Variants in ZSCAN5A observed in about 807,000 individuals in gnomAD.
The protein encoded by ZSCAN5A is zinc finger and SCAN domain-containing protein 5A.
Under a neutral mutation model 23.7 loss-of-function variants are expected in ZSCAN5A, and 12 were observed. The ratio of observed to expected loss-of-function variants is 0.51; its 90% confidence interval spans 0.32 to 0.82. The LOEUF (loss-of-function observed/expected upper bound fraction) is 0.82, where lower values mean the gene tolerates loss of function less well. Ranked by LOEUF, ZSCAN5A falls within the 40% of genes least tolerant of loss-of-function variation. The pLI is 0.03. For synonymous variants in ZSCAN5A, 257 were observed against 239.9 expected (o/e 1.07, Z -0.66); for missense variants, 597 against 617.9 (o/e 0.97, Z 0.36).
intron 2 of ZSCAN5A, among the ~76,000 whole-genome samples, chr19:56,302,536 TTCC>T (rs1455795366): frequency 7.4e-5 from 4 of 53,908 alleles, no homozygotes; most frequent in South Asian, 1.1e-3. Context: ...CTCCCTCTTC[TTCC>T]TCCCCGTTCC....
chr19:56,252,713 G>A (rs1433508137), intron 2 of ZSCAN5A, among the ~76,000 whole-genome samples: 2 of 152,224 alleles, frequency 1.3e-5, no homozygotes, highest in African/African-American at 4.8e-5. Context: ...GTCAAAAGTG[G>A]AGGTATGAAC....
At chr19:56,363,256 T>C (rs2041745580) in exon 2 of ZSCAN5A, 1 of 152,230 alleles carries the variant, frequency 6.6e-6, no homozygotes, top group African/African-American at 2.4e-5. Flanking sequence ...AGATTACACA[T>C]TTGCCAGATA....
At chr19:56,268,049 A>C (rs964301846) in intron 2 of ZSCAN5A, among the ~76,000 whole-genome samples, 2 of 152,172 alleles carry the variant, frequency 1.3e-5, no homozygotes, top group African/African-American at 4.8e-5. Context: ...AAATCCCTGA[A>C]ACTTCTGACC....
intron 2 of ZSCAN5A, among the ~76,000 whole-genome samples, chr19:56,239,345 T>A (rs998812705): frequency 6.6e-6 from 1 of 152,240 alleles, no homozygotes. Flanking sequence ...AATTGTAACC[T>A]AATCATGTAA....
rs143538511 is a variant in ZSCAN5A at position 56,331,878 on chromosome 19, G to A, written c.-357-15610C>T. Reference sequence around the variant, plus strand: ...TGGGATTACAGGTGTGAGCCACTGCGCCCAGCCTAGTATTTCAAAGAATTT... The same window carrying A: ...TGGGATTACAGGTGTGAGCCACTGCACCCAGCCTAGTATTTCAAAGAATTT... On this transcript the variant is annotated intron_variant, in intron 2 of 6. Transcript: ENST00000587340. Among the ~76,000 whole-genome samples the A allele has an allele frequency of 2.0e-3, 306 of 151,946 alleles. 2 individuals carry two copies. Among genetic ancestry groups the A allele is most frequent in the African/African-American group, 7.1e-3 (295 of 41,478 alleles).
chr19:56,296,744 A>G (rs1203187034), intron 2 of ZSCAN5A, among the ~76,000 whole-genome samples: 1 of 151,956 alleles, frequency 6.6e-6, no homozygotes, highest in African/African-American at 2.4e-5. Flanking sequence ...GGGAAACTTA[A>G]GTTTTTTGGC....
At chr19:56,292,169 T>C (rs1430284212) in intron 2 of ZSCAN5A, among the ~76,000 whole-genome samples, 1 of 152,218 alleles carries the variant, frequency 6.6e-6, no homozygotes, top group Non-Finnish European at 1.5e-5. Context: ...TCTCTGACCA[T>C]TTCATCATGC....
intron 2 of ZSCAN5A, among the ~76,000 whole-genome samples, chr19:56,331,559 T>C (rs2147437386): frequency 6.7e-6 from 1 of 150,286 alleles, no homozygotes; most frequent in South Asian, 2.1e-4. Context: ...CTTTCAGCTA[T>C]TGTAAATGGA....
rs188976700 is a variant in ZSCAN5A at position 56,354,338 on chromosome 19, A to T, written c.-358+8897T>A. Among the ~76,000 whole-genome samples, 34 of 151,352 alleles carry T rather than the reference A, an allele frequency of 2.2e-4. 1 individual carries two copies. The East Asian group carries it at 6.0e-3, about 27-fold the overall frequency. ...ATTTTAAAAGTTGGTTTTTTAAAAG[A>T]GTATTATGACAAAACAGGGTAAAGA... On this transcript the variant is annotated intron_variant, in intron 2 of 6. Transcript: ENST00000587340.
At chr19:56,255,014 T>C (rs1392987362) in intron 2 of ZSCAN5A, among the ~76,000 whole-genome samples, 2 of 152,056 alleles carry the variant, frequency 1.3e-5, no homozygotes, top group Non-Finnish European at 2.9e-5. Flanking sequence ...ATTGTGACCT[T>C]TGATGCAAAA....
At chr19:56,338,961 TGTATTTGGA>T (rs2147445958) in intron 2 of ZSCAN5A, among the ~76,000 whole-genome samples, 1 of 152,302 alleles carries the variant, frequency 6.6e-6, no homozygotes, top group South Asian at 2.1e-4. Flanking sequence ...AGTGACGTAA[TGTATTTGGA>T]GTGCAAAAAT....
Position 56,353,613 on chromosome 19 carries a change from CT to C in ZSCAN5A, c.-358+9621del, listed in dbSNP as rs756894261. On this transcript the variant is annotated intron_variant, in intron 2 of 6. Coordinates refer to the ZSCAN5A transcript ENST00000587340. ...TAACGGCGGTGAAACCCCGTCTCTACTAAAAAAAAATACAAAAAATTAGCTG... is the reference window on the plus strand; with the variant it reads ...TAACGGCGGTGAAACCCCGTCTCTACAAAAAAAAATACAAAAAATTAGCTG... Among the ~76,000 whole-genome samples the C allele has an allele frequency of 4.4e-4, 65 of 148,454 alleles. 1 individual carries two copies. Among genetic ancestry groups the C allele is most frequent in the Non-Finnish European group, 2.1e-4 (14 of 67,864 alleles).
chr19:56,228,067 A>G (rs572337877), intron 2 of ZSCAN5A, among the ~76,000 whole-genome samples: 1 of 152,268 alleles, frequency 6.6e-6, no homozygotes, highest in South Asian at 2.1e-4. Flanking sequence ...TGAGAAAGTT[A>G]GTATTATTCC....
intron 2 of ZSCAN5A, among the ~76,000 whole-genome samples, chr19:56,340,385 T>C (rs1431446782): frequency 6.6e-6 from 1 of 152,218 alleles, no homozygotes; most frequent in Non-Finnish European, 1.5e-5. Flanking sequence ...AGCAGAGTTC[T>C]AAGGTTAGAT....
intron 2 of ZSCAN5A, chr19:56,304,894 C>T (rs2040583298): frequency 4.6e-6 from 3 of 645,416 alleles, no homozygotes; most frequent in Non-Finnish European, 5.8e-6. Context: ...AGGTTCATCC[C>T]AACTGCCTGG....
intron 2 of ZSCAN5A, chr19:56,246,349 A>ATTC (rs750831301): frequency 1.7e-5 from 8 of 480,932 alleles, no homozygotes; most frequent in Non-Finnish European, 3.0e-5. Context: ...GACTACTGTC[A>ATTC]TGAAAAGTGC....
rs35831358 is a variant in ZSCAN5A, at chr19:56,339,833, T to C, written c.-358+23402A>G. 3.1e-4 allele frequency among the ~76,000 whole-genome samples: 43 copies of C among 140,436 alleles called. 1 individual carries two copies. The highest frequency in any genetic ancestry group is 4.2e-4 in the Non-Finnish European group (26 of 62,052). The allele number at this position is 140,436 out of a possible 152,430, so 92.1% of individuals were successfully genotyped here. On this transcript the variant is annotated intron_variant, in intron 2 of 6. Transcript: ENST00000587340. ...GGTTGTAGCCGCATTTAGCAATATG[T>C]GAAGGAGCGGTTGTAGCCGTATTTA...
rs111396055 is a variant in ZSCAN5A, at chr19:56,257,730, C to G, written c.-127-32557G>C. Among the ~76,000 whole-genome samples, 705 of 141,866 alleles carry G rather than the reference C, an allele frequency of 5.0e-3. 1 individual carries two copies. Among genetic ancestry groups the G allele is most frequent in the East Asian group, 0.017 (78 of 4,498 alleles). The allele number at this position is 141,866 out of a possible 152,430, so 93.1% of individuals were successfully genotyped here. A position where few individuals can be genotyped will look rare whatever the true frequency, so the allele number is the denominator to read the frequency against. On this transcript the variant is annotated intron_variant, in intron 2 of 5. Transcript: ENST00000683990. ...GACTCTGCAAGCCTTTCACACCTGG[C>G]TCCTGCCTCCTACCACTGCCCATCT... is the stretch of plus-strand genomic sequence containing the variant.
chr19:56,285,113 A>G (rs2039007156), intron 2 of ZSCAN5A: 1 of 614,088 alleles, frequency 1.6e-6, no homozygotes, highest in East Asian at 1.4e-4. Context: ...GCTTTTAGGT[A>G]GAGTCTAAAG....
Sources: gnomAD v4.1 joint callset for allele counts (sites outside exome capture counted in the v4.1 genomes callset) on GRCh38, gnomAD v4.1.1 for gene constraint, MANE v1.5 for transcripts, NCBI Gene and HGNC (gene_info 2026-07-23, HGNC 2026-07-21) for gene names.